Variants in SYTL5 observed in about 807,000 individuals in gnomAD.
SYTL5 encodes synaptotagmin-like protein 5.
A neutral mutation model predicts 55.9 loss-of-function variants in SYTL5; 34 were observed. That is an observed-to-expected ratio of 0.61 (90% confidence interval 0.46 to 0.81). The LOEUF (loss-of-function observed/expected upper bound fraction) is 0.81, where lower values mean the gene tolerates loss of function less well. Among genes scored for constraint, SYTL5 ranks in the 30% least tolerant of loss-of-function variants. The pLI, the probability that SYTL5 is intolerant of heterozygous loss-of-function variation, is 0.00. For missense variants in SYTL5, 637 were observed against 546.7 expected (o/e 1.17, Z -1.65); for synonymous variants, 221 against 188.7 (o/e 1.17, Z -1.40).
chrX:38,076,242 T>G (rs1202671934), intron 5 of SYTL5, among the ~76,000 whole-genome samples: 1 of 112,030 alleles, frequency 8.9e-6, no homozygotes, highest in Admixed American at 9.5e-5. Flanking sequence ...CTCTCTATTC[T>G]CACTATTCCT....
rs1408004254 is a variant in SYTL5, at chrX:38,116,697, A to T, written c.1597-3661A>T. Among the ~76,000 whole-genome samples the T allele has an allele frequency of 6.2e-5, 7 of 112,706 alleles. No homozygotes were observed. The Admixed American group carries it at 6.6e-4, about 11-fold the overall frequency. ...TATTCAACTGAATTGTTATAGTAGC[A>T]GCTGTCTTTTTGCACTCATCAATTT... is the stretch of plus-strand genomic sequence containing the variant. On this transcript the variant is annotated intron_variant, in intron 13 of 16. Transcript: ENST00000297875.
the SYTL5 span, among the ~76,000 whole-genome samples, chrX:37,996,222 G>C: frequency 8.9e-6 from 1 of 111,966 alleles, no homozygotes; most frequent in African/African-American, 3.3e-5. Flanking sequence ...GGGGGCCACA[G>C]CCAGCATAGC....
intron 1 of SYTL5, among the ~76,000 whole-genome samples, chrX:38,022,293 G>T (rs1934580539): frequency 8.9e-6 from 1 of 112,327 alleles, no homozygotes; most frequent in African/African-American, 3.2e-5. Flanking sequence ...GTATTGGATA[G>T]ATACTATGAG....
intron 4 of SYTL5, among the ~76,000 whole-genome samples, chrX:38,072,402 C>A (rs1208854082): frequency 8.9e-6 from 1 of 112,228 alleles, no homozygotes; most frequent in East Asian, 2.8e-4. Context: ...TTCAAAGAAA[C>A]CATTTGTCTC....
the SYTL5 span, among the ~76,000 whole-genome samples, chrX:37,948,551 T>C: frequency 2.7e-5 from 3 of 110,201 alleles, no homozygotes; most frequent in African/African-American, 9.9e-5. Context: ...ATTTAGAGTA[T>C]ACAACTTGAT....
rs145093523 is a variant in SYTL5, at chrX:38,026,676, A to G, written c.-356-6858A>G. Among the ~76,000 whole-genome samples the G allele has an allele frequency of 9.6e-3, 1,071 of 111,942 alleles. 7 individuals are homozygous for G. Among genetic ancestry groups the G allele is most frequent in the Middle Eastern group, 0.041 (9 of 218 alleles). ...TACAGGGTAACTTTCTAATGTTGCC[A>G]TGGCATCTGTAAACTGTCATGGCAC... On this transcript the variant is annotated intron_variant, in intron 1 of 16. Coordinates refer to ENST00000297875, the MANE Select transcript of SYTL5 (RefSeq NM_138780.3).
the SYTL5 span, among the ~76,000 whole-genome samples, chrX:37,923,948 T>A: frequency 9.0e-6 from 1 of 111,489 alleles, no homozygotes; most frequent in Non-Finnish European, 1.9e-5. Flanking sequence ...TGGGTTTATT[T>A]CATTCAGTTA....
chrX:37,965,280 C>A, the SYTL5 span, among the ~76,000 whole-genome samples: 1 of 111,466 alleles, frequency 9.0e-6, no homozygotes, highest in Non-Finnish European at 1.9e-5. Flanking sequence ...TCATTTGTCT[C>A]AAGATTTTTA....
At chrX:38,014,880 G>T (rs1311703575) in intron 1 of SYTL5, among the ~76,000 whole-genome samples, 1 of 112,126 alleles carries the variant, frequency 8.9e-6, no homozygotes. Context: ...TTGTCCACAA[G>T]AAATTTCCCT....
the SYTL5 span, among the ~76,000 whole-genome samples, chrX:37,993,261 A>G: frequency 3.6e-5 from 4 of 112,227 alleles, no homozygotes; most frequent in Non-Finnish European, 7.5e-5. Context: ...ACAACAAAAT[A>G]CAGAATTAGT....
the SYTL5 span, among the ~76,000 whole-genome samples, chrX:37,970,654 C>T: frequency 1.8e-5 from 2 of 111,736 alleles, no homozygotes; most frequent in Non-Finnish European, 3.8e-5. Context: ...AGATTATTTA[C>T]AAAAACTGTG....
chrX:37,998,701 A>G, the SYTL5 span, among the ~76,000 whole-genome samples: 1 of 112,023 alleles, frequency 8.9e-6, no homozygotes, highest in East Asian at 2.8e-4. Context: ...CGAGCCCAGC[A>G]GGACCGAGCA....
chrX:38,062,710 C>A (rs1396544701), intron 3 of SYTL5, among the ~76,000 whole-genome samples: 1 of 111,577 alleles, frequency 9.0e-6, no homozygotes, highest in Non-Finnish European at 1.9e-5. Flanking sequence ...GTACCAGAAT[C>A]CCACAAGATC....
chrX:38,000,138 C>T, the SYTL5 span, among the ~76,000 whole-genome samples: 3 of 111,558 alleles, frequency 2.7e-5, no homozygotes, highest in African/African-American at 9.8e-5. Context: ...GAAGCCCAGA[C>T]AGGTTGGGAA....
At chrX:38,083,802 G>A (rs1324613189) in intron 6 of SYTL5, among the ~76,000 whole-genome samples, 2 of 105,873 alleles carry the variant, frequency 1.9e-5, no homozygotes, top group African/African-American at 3.5e-5. Context: ...GTGTGTGTGT[G>A]TGTGTGTTTG....
At chrX:38,100,392 C>A (rs968963801) in intron 9 of SYTL5, among the ~76,000 whole-genome samples, 1 of 111,061 alleles carries the variant, frequency 9.0e-6, no homozygotes. Context: ...TATTTGAGGA[C>A]CTGCTGCACA....
intron 9 of SYTL5, among the ~76,000 whole-genome samples, chrX:38,100,553 C>A (rs1438355288): frequency 9.0e-6 from 1 of 110,670 alleles, no homozygotes; most frequent in African/African-American, 3.3e-5. Context: ...TGGTATTCAA[C>A]TTAGTAATAA....
At chrX:38,033,208 G>A (rs772831070) in intron 1 of SYTL5, among the ~76,000 whole-genome samples, 1 of 111,372 alleles carries the variant, frequency 9.0e-6, no homozygotes, top group South Asian at 3.8e-4. Context: ...AGTCCAGATT[G>A]TGCACTTAGT....
At chrX:37,967,903 G>T in the SYTL5 span, among the ~76,000 whole-genome samples, 2 of 105,903 alleles carry the variant, frequency 1.9e-5, no homozygotes, top group Non-Finnish European at 3.9e-5. Flanking sequence ...ACCTGATTTT[G>T]CTCATCCTTT....
Sources: gnomAD v4.1 joint callset for allele counts (sites outside exome capture counted in the v4.1 genomes callset) on GRCh38, gnomAD v4.1.1 for gene constraint, MANE v1.5 for transcripts, NCBI Gene and HGNC (gene_info 2026-07-23, HGNC 2026-07-21) for gene names.